FRRS1: variants seen among roughly 807,000 people sequenced by gnomAD.
The protein encoded by FRRS1 is ferric chelate reductase 1, also known as ferric reductase 1.
A neutral mutation model predicts 70.7 loss-of-function variants in FRRS1; 51 were observed. That is an observed-to-expected ratio of 0.72 (90% CI 0.58 to 0.91). The LOEUF (loss-of-function observed/expected upper bound fraction) is 0.91. Ranked by LOEUF, FRRS1 falls within the 40% of genes least tolerant of loss-of-function variation. The probability of loss-of-function intolerance (pLI) is 0.00; values close to 1 mark genes in which losing one functional copy is unlikely to be tolerated. For synonymous variants in FRRS1, 225 were observed against 238.7 expected (o/e 0.94, Z 0.53); for missense variants, 672 against 726.0 (o/e 0.93, Z 0.86).
At position 99,706,224 on chromosome 1, in the gene FRRS1, C is replaced by CA. The variant is rs60761211; in HGVS notation, c.*2803dup. Among the ~76,000 whole-genome samples the CA allele has an allele frequency of 2.7e-3, 380 of 139,470 alleles. 1 individual carries two copies. The highest frequency in any genetic ancestry group is 9.0e-3 in the East Asian group (43 of 4,790). The allele number at this position is 139,470 out of a possible 152,430, so 91.5% of individuals were successfully genotyped here. ...CAACAAAGGGAGATCCCTTCTCTAC[C>CA]AAAAAAAAAAAAAAATTTTTTTTTA... On this transcript the variant is annotated 3_prime_UTR_variant, in exon 17 of 17. Transcript: ENST00000646001.
chr1:99,761,832 T>C (rs910607727), intron 1 of FRRS1, among the ~76,000 whole-genome samples: 2 of 152,148 alleles, frequency 1.3e-5, no homozygotes, highest in Admixed American at 6.5e-5. Flanking sequence ...ACAGAAATTT[T>C]AAAACTGCAT....
At chr1:99,747,730 A>G (rs1656354996) in intron 3 of FRRS1, 2 of 251,656 alleles carry the variant, frequency 7.9e-6, no homozygotes, top group Non-Finnish European at 7.7e-6. Flanking sequence ...GATGATACCA[A>G]TTGGGTACTA....
chr1:99,717,016 C>G (rs948181323), intron 11 of FRRS1, among the ~76,000 whole-genome samples: 1 of 152,150 alleles, frequency 6.6e-6, no homozygotes, highest in African/African-American at 2.4e-5. Flanking sequence ...ACAGTAAGCC[C>G]CCACTATTTC....
At chr1:99,726,096 G>C (rs1346536841) in intron 9 of FRRS1, among the ~76,000 whole-genome samples, 1 of 152,114 alleles carries the variant, frequency 6.6e-6, no homozygotes, top group Non-Finnish European at 1.5e-5. Flanking sequence ...GAATCATGGG[G>C]GAACACTTCC....
chr1:99,753,862 G>A (rs1409532520), intron 1 of FRRS1, among the ~76,000 whole-genome samples: 1 of 151,928 alleles, frequency 6.6e-6, no homozygotes, highest in Non-Finnish European at 1.5e-5. Context: ...AAGTGGATCA[G>A]GAAACAGACC....
In FRRS1 at chr1:99,738,181, A is replaced by G. The variant is rs1010052885; in HGVS notation, c.664T>C (p.Leu222=). ...GATTGGTCATCTCTTGTGAAGGACA[A>G]GAAGACACAGGAAGCCTCCTTCTCT... The part of the protein sequence containing the change: ...DPEKEASCVF[L]SFTRDDQSVM... Residue 222 remains leucine (L), a synonymous_variant, in exon 7 of 17, where the codon TTG becomes CTG. Transcript: ENST00000646001. 17 of 1,613,978 alleles carry G rather than the reference A, an allele frequency of 1.1e-5. No homozygotes were observed. Among genetic ancestry groups the G allele is most frequent in the Non-Finnish European group, 1.4e-5 (17 of 1,179,826 alleles).
At chr1:99,748,384 G>T in intron 3 of FRRS1, 189 bp downstream of exon 3, 1 of 504,038 alleles carries the variant, frequency 2.0e-6, no homozygotes. Context: ...TTTAAAGCCT[G>T]TTCTGGATGG....
intron 10 of FRRS1, among the ~76,000 whole-genome samples, chr1:99,718,687 T>C (rs1557685985): frequency 6.6e-6 from 1 of 152,150 alleles, no homozygotes; most frequent in Non-Finnish European, 1.5e-5. Flanking sequence ...ATTTAGGTAT[T>C]ATATATGATG....
At chr1:99,710,737 G>A in intron 15 of FRRS1, 69 bp downstream of exon 15, 1 of 1,369,014 alleles carries the variant, frequency 7.3e-7, no homozygotes, top group Non-Finnish European at 1.0e-6. Flanking sequence ...TTACTATCGG[G>A]AAGCGCATTC....
rs1273302436 is a variant in FRRS1, at chr1:99,728,597, A to AT, written c.901dup (p.Met301AsnfsTer15). Reference sequence around the variant, plus strand: ...AATGTTTCTTCTGAAAGAACACTGCATAACACCGTCCGCCAACCTCCAAGC... The same window carrying AT: ...AATGTTTCTTCTGAAAGAACACTGCATTAACACCGTCCGCCAACCTCCAAGC... On this transcript the variant is annotated frameshift_variant, in exon 9 of 17. Transcript: ENST00000646001. LOFTEE classifies it high-confidence loss of function. The AT allele has an allele frequency of 3.1e-6, 5 of 1,613,972 alleles. No individual in the cohort carries two copies. The highest frequency in any genetic ancestry group is 4.2e-6 in the Non-Finnish European group (5 of 1,179,948).
intron 1 of FRRS1, among the ~76,000 whole-genome samples, chr1:99,760,735 C>T (rs553812510): frequency 7.2e-5 from 11 of 152,208 alleles, no homozygotes; most frequent in South Asian, 2.1e-4. Context: ...CTGCAACCTC[C>T]GCTTCCTGGG....
At position 99,704,362 on chromosome 1, in the gene FRRS1, C is replaced by A. The variant is rs139718444; in HGVS notation, c.*4666G>T. 9.0e-4 allele frequency among the ~76,000 whole-genome samples: 137 copies of A among 152,292 alleles called. No individual in the cohort carries two copies. The highest frequency in any genetic ancestry group is 3.2e-3 in the African/African-American group (131 of 41,558). ...AAAACAAAAAGATACCAATGTTGGA[C>A]AGCAAGTCAGGGAAGGAGCTAGAAC... On this transcript the variant is annotated 3_prime_UTR_variant, in exon 17 of 17. Coordinates refer to ENST00000646001, the MANE Select transcript of FRRS1 (RefSeq NM_001361041.2).
intron 9 of FRRS1, among the ~76,000 whole-genome samples, chr1:99,725,746 A>G (rs1655053429): frequency 6.6e-6 from 1 of 152,216 alleles, no homozygotes; most frequent in South Asian, 2.1e-4. Context: ...TGTTAGAACT[A>G]TCACTTAAAA....
rs776338726 is a variant in FRRS1 at position 99,740,804 on chromosome 1, A to T, written c.565T>A (p.Leu189Ile). Reference protein sequence around the residue: ...PLPTLPPVSHLTKPFSASDCG... With the variant: ...PLPTLPPVSHITKPFSASDCG... ...AAATTGTTACTTACTGGTTTGGTTAAGTGGGAAACGGGAGGTAACGTTGGC... is the reference window on the plus strand; with the variant it reads ...AAATTGTTACTTACTGGTTTGGTTATGTGGGAAACGGGAGGTAACGTTGGC... Residue 189 changes from leucine (L) to isoleucine (I), a missense_variant, in exon 6 of 17, where the codon TTA (leucine) becomes ATA (isoleucine). By Grantham distance (5) the Leu-to-Ile change is conservative. Transcript: ENST00000646001. 1.9e-6 allele frequency: 3 copies of T among 1,609,900 alleles called. No individual in the cohort carries two copies. The highest frequency in any genetic ancestry group is 1.7e-4 in the Middle Eastern group (1 of 6,052).
chr1:99,732,932 C>T (rs1655468921), intron 7 of FRRS1, among the ~76,000 whole-genome samples: 1 of 151,674 alleles, frequency 6.6e-6, no homozygotes, highest in Non-Finnish European at 1.5e-5. Context: ...CAGCTTTGAC[C>T]TCCTGGGATC....
chr1:99,710,774 T>C (rs2100898360), intron 15 of FRRS1, 32 bp downstream of exon 15: 1 of 1,600,196 alleles, frequency 6.2e-7, no homozygotes, highest in East Asian at 2.2e-5. Context: ...ATAGAAGTGC[T>C]TCTACATAAC....
At chr1:99,730,644 G>A (rs1040517316) in intron 7 of FRRS1, among the ~76,000 whole-genome samples, 6 of 152,112 alleles carry the variant, frequency 3.9e-5, no homozygotes, top group Non-Finnish European at 7.4e-5. Context: ...AAGGCGGGCA[G>A]ATCACGAGGT....
At chr1:99,718,385 G>A (rs1380834368) in intron 10 of FRRS1, among the ~76,000 whole-genome samples, 2 of 152,174 alleles carry the variant, frequency 1.3e-5, no homozygotes, top group Admixed American at 6.5e-5. Flanking sequence ...CTGGAGTGCA[G>A]TGGTGCGATC....
intron 4 of FRRS1, among the ~76,000 whole-genome samples, chr1:99,744,513 G>A (rs375447208): frequency 3.8e-4 from 58 of 152,248 alleles, no homozygotes; most frequent in African/African-American, 1.4e-3. Context: ...AAGGCCGGGC[G>A]CAGTGGCTCA....
Sources: gnomAD v4.1 joint callset for allele counts (sites outside exome capture counted in the v4.1 genomes callset) on GRCh38, gnomAD v4.1.1 for gene constraint, MANE v1.5 for transcripts, NCBI Gene and HGNC (gene_info 2026-07-23, HGNC 2026-07-21) for gene names.